The following GALNT13 variants were observed in gnomAD, a reference collection of about 807,000 sequenced individuals.
GALNT13 encodes the protein polypeptide N-acetylgalactosaminyltransferase 13.
GALNT13 carries 28 observed loss-of-function variants against 64.2 expected under a neutral mutation model. That is an observed-to-expected ratio of 0.44 (90% CI 0.32 to 0.60). The LOEUF (loss-of-function observed/expected upper bound fraction) is 0.60. Among genes scored for constraint, GALNT13 ranks in the 20% least tolerant of loss-of-function variants. The pLI, the probability that GALNT13 is intolerant of heterozygous loss-of-function variation, is 0.05. For missense variants in GALNT13, 577 were observed against 669.8 expected, an observed-to-expected ratio of 0.86 and a Z score of 1.53; for synonymous variants, 214 against 224.6, an observed-to-expected ratio of 0.95 and a Z score of 0.42.
At chr2:154,171,317 A>G (rs1685333828) in intron 4 of GALNT13, among the ~76,000 whole-genome samples, 1 of 152,170 alleles carries the variant, frequency 6.6e-6, no homozygotes, top group African/African-American at 2.4e-5. Flanking sequence ...CTTGTTCTCA[A>G]TTCCGCTTGC....
chr2:154,087,494 C>A (rs991998980), intron 3 of GALNT13, among the ~76,000 whole-genome samples: 2 of 151,932 alleles, frequency 1.3e-5, no homozygotes, highest in Non-Finnish European at 2.9e-5. Context: ...CATCATAGTC[C>A]ATTATACACT....
At chr2:153,666,089 C>T in the GALNT13 span, among the ~76,000 whole-genome samples, 7 of 152,176 alleles carry the variant, frequency 4.6e-5, no homozygotes, top group African/African-American at 1.7e-4. Context: ...CCTGCCTGGC[C>T]ATGTCCACTT....
the GALNT13 span, among the ~76,000 whole-genome samples, chr2:153,112,959 G>A: frequency 1.3e-5 from 2 of 152,018 alleles, no homozygotes; most frequent in Non-Finnish European, 2.9e-5. Context: ...ATTGAAAATT[G>A]CAGACAGAAA....
the GALNT13 span, among the ~76,000 whole-genome samples, chr2:153,135,168 C>T: frequency 6.6e-6 from 1 of 152,094 alleles, no homozygotes; most frequent in Non-Finnish European, 1.5e-5. Flanking sequence ...ACTGTCTCCT[C>T]ACATGGCAGA....
chr2:154,204,635 A>C (rs182025486), intron 4 of GALNT13, among the ~76,000 whole-genome samples: 1 of 152,204 alleles, frequency 6.6e-6, no homozygotes, highest in Non-Finnish European at 1.5e-5. Flanking sequence ...CCATTCTCCA[A>C]ATCCATAAGA....
the GALNT13 span, among the ~76,000 whole-genome samples, chr2:153,556,348 C>G: frequency 6.6e-6 from 1 of 152,072 alleles, no homozygotes; most frequent in Non-Finnish European, 1.5e-5. Flanking sequence ...AACTTTACAT[C>G]CTTTACACAT....
At chr2:153,547,290 C>A in the GALNT13 span, among the ~76,000 whole-genome samples, 4 of 152,182 alleles carry the variant, frequency 2.6e-5, 1 homozygote, top group Non-Finnish European at 5.9e-5. Context: ...ACAAACACAG[C>A]TCCTTCAAGG....
At chr2:153,547,702 G>C in the GALNT13 span, among the ~76,000 whole-genome samples, 1 of 152,242 alleles carries the variant, frequency 6.6e-6, no homozygotes, top group African/African-American at 2.4e-5. Flanking sequence ...ATTATATAGA[G>C]TAGATCTTGT....
intron 3 of GALNT13, among the ~76,000 whole-genome samples, chr2:154,025,346 A>G (rs1312980759): frequency 3.3e-5 from 5 of 152,180 alleles, no homozygotes; most frequent in African/African-American, 1.2e-4. Context: ...AAAAATAAAT[A>G]AAGTTTACCT....
At chr2:154,422,217 G>C (rs1700284920) in intron 11 of GALNT13, among the ~76,000 whole-genome samples, 2 of 152,190 alleles carry the variant, frequency 1.3e-5, no homozygotes, top group African/African-American at 4.8e-5. Flanking sequence ...AAAGGATCGT[G>C]TGTAATAAGC....
chr2:153,382,012 A>G, the GALNT13 span, among the ~76,000 whole-genome samples: 4 of 152,224 alleles, frequency 2.6e-5, no homozygotes, highest in Admixed American at 6.5e-5. Context: ...TAAAAACTCA[A>G]TGTGATACAG....
the GALNT13 span, among the ~76,000 whole-genome samples, chr2:153,771,891 T>C: frequency 2.6e-5 from 4 of 152,120 alleles, no homozygotes; most frequent in Non-Finnish European, 5.9e-5. Context: ...GGTTGGACCA[T>C]ACTCCCAATT....
chr2:154,212,240 T>C (rs951941885), intron 4 of GALNT13, among the ~76,000 whole-genome samples: 5 of 151,920 alleles, frequency 3.3e-5, no homozygotes, highest in Non-Finnish European at 7.4e-5. Flanking sequence ...TTTGAAGAAA[T>C]TCAATCAGGC....
At chr2:153,126,710 T>G in the GALNT13 span, among the ~76,000 whole-genome samples, 3 of 152,186 alleles carry the variant, frequency 2.0e-5, no homozygotes, top group South Asian at 6.2e-4. Context: ...TTTCTGGAAT[T>G]TAGCATTTAG....
chr2:153,099,946 A>G, the GALNT13 span, among the ~76,000 whole-genome samples: 7 of 152,226 alleles, frequency 4.6e-5, no homozygotes, highest in Non-Finnish European at 7.3e-5. Context: ...AATTATGACT[A>G]TAAGTTGAGG....
intron 1 of GALNT13, among the ~76,000 whole-genome samples, chr2:153,892,284 T>C (rs1188680176): frequency 6.6e-6 from 1 of 152,086 alleles, no homozygotes; most frequent in Non-Finnish European, 1.5e-5. Context: ...GATAAAGGGC[T>C]ATGAATTTAA....
At chr2:153,636,009 A>G in the GALNT13 span, among the ~76,000 whole-genome samples, 1 of 152,160 alleles carries the variant, frequency 6.6e-6, no homozygotes, top group Non-Finnish European at 1.5e-5. Context: ...GGATGAGAAC[A>G]CTGTGAAGAG....
At chr2:153,280,564 GTCT>G in the GALNT13 span, among the ~76,000 whole-genome samples, 1 of 152,152 alleles carries the variant, frequency 6.6e-6, no homozygotes, top group East Asian at 1.9e-4. Flanking sequence ...GGTATGTCAT[GTCT>G]TCGTTTTTAT....
chr2:154,327,786 C>T (rs1694957472), intron 9 of GALNT13, among the ~76,000 whole-genome samples: 1 of 152,034 alleles, frequency 6.6e-6, no homozygotes, highest in African/African-American at 2.4e-5. Context: ...CAATGTACTC[C>T]TGTACATTTA....
Sources: gnomAD v4.1 joint callset for allele counts (sites outside exome capture counted in the v4.1 genomes callset) on GRCh38, gnomAD v4.1.1 for gene constraint, MANE v1.5 for transcripts, NCBI Gene and HGNC (gene_info 2026-07-23, HGNC 2026-07-21) for gene names.